The following MAD1L1 variants were observed in gnomAD, a reference collection of about 807,000 sequenced individuals.
MAD1L1 encodes the protein mitotic spindle assembly checkpoint protein MAD1.
Under a neutral mutation model 96.9 loss-of-function variants are expected in MAD1L1, and 95 were observed. The observed-to-expected ratio is 0.98, with a 90% CI of 0.83 to 1.16. MAD1L1 has a LOEUF of 1.16. Among genes scored for constraint, MAD1L1 ranks in the 50% most tolerant of loss-of-function variants. MAD1L1 has a pLI of 0.00. For missense variants in MAD1L1, 1,007 were observed against 954.4 expected, an observed-to-expected ratio of 1.06 and a Z score of -0.73; for synonymous variants, 473 against 396.6, an observed-to-expected ratio of 1.19 and a Z score of -2.29.
chr7:1,972,465 G>C (rs1331041930), intron 15 of MAD1L1, among the ~76,000 whole-genome samples: 1 of 152,166 alleles, frequency 6.6e-6, no homozygotes, highest in East Asian at 1.9e-4. Context: ...GCTGCTTCAA[G>C]TTGTTTGTGG....
At chr7:1,908,636 CG>C (rs1264273679) in intron 17 of MAD1L1, among the ~76,000 whole-genome samples, 3 of 152,142 alleles carry the variant, frequency 2.0e-5, no homozygotes, top group African/African-American at 7.2e-5. Context: ...GTTGGGATGA[CG>C]GGTGTGAGCC....
intron 17 of MAD1L1, among the ~76,000 whole-genome samples, chr7:1,901,560 G>A (rs1167770746): frequency 1.3e-5 from 2 of 152,224 alleles, no homozygotes; most frequent in Non-Finnish European, 2.9e-5. Context: ...AGACAGTGGT[G>A]CAGCCTTCAG....
intron 10 of MAD1L1, among the ~76,000 whole-genome samples, chr7:2,212,575 G>A (rs1026660227): frequency 4.6e-5 from 7 of 152,218 alleles, no homozygotes; most frequent in African/African-American, 1.4e-4. Flanking sequence ...CACTACTCAC[G>A]CTCGCTCACT....
rs908311385 is a variant in MAD1L1, at chr7:2,114,679, T to C, written c.1073+34473A>G. Among the ~76,000 whole-genome samples the C allele has an allele frequency of 6.6e-6, 1 of 152,230 alleles. No individual in the cohort carries two copies. The highest frequency in any genetic ancestry group is 2.4e-5 in the African/African-American group (1 of 41,464). ...GTTTTTGTAAACAACTTTTGTTTTT[T>C]TAACAAAGTTTTGATGGAGCACAGC... On this transcript the variant is annotated intron_variant, in intron 11 of 18. Transcript: ENST00000265854. This position sits in a 1 kb window ranked among gnomAD's most constrained non-coding sequence, Gnocchi z 4.2.
At chr7:2,004,682 C>T (rs58313308) in intron 13 of MAD1L1, among the ~76,000 whole-genome samples, 3 of 152,220 alleles carry the variant, frequency 2.0e-5, no homozygotes, top group Non-Finnish European at 2.9e-5. Context: ...TCCGGCGCCA[C>T]GCGGGCAGGC....
At chr7:1,984,068 T>G (rs1438944614) in intron 14 of MAD1L1, among the ~76,000 whole-genome samples, 2 of 152,260 alleles carry the variant, frequency 1.3e-5, no homozygotes, top group Non-Finnish European at 2.9e-5. Context: ...TATTTAAACT[T>G]GTGAATTTAG....
chr7:1,879,441 G>A (rs1785558689), intron 18 of MAD1L1, among the ~76,000 whole-genome samples: 1 of 134,808 alleles, frequency 7.4e-6, no homozygotes, highest in South Asian at 2.5e-4. Flanking sequence ...AGTGACAAGA[G>A]TGAGACTTCA....
At chr7:1,906,517 C>G (rs1456259054) in intron 17 of MAD1L1, among the ~76,000 whole-genome samples, 1 of 152,272 alleles carries the variant, frequency 6.6e-6, no homozygotes, top group Non-Finnish European at 1.5e-5. Context: ...CTCCATCGCT[C>G]CAGTCTCTGG....
At chr7:1,907,790 T>C (rs1787761940) in intron 17 of MAD1L1, among the ~76,000 whole-genome samples, 1 of 152,266 alleles carries the variant, frequency 6.6e-6, no homozygotes, top group Admixed American at 6.5e-5. Flanking sequence ...ACCACTTGGC[T>C]GTCTACGGAC....
intron 17 of MAD1L1, among the ~76,000 whole-genome samples, chr7:1,934,107 G>A (rs1789639358): frequency 6.6e-6 from 1 of 152,238 alleles, no homozygotes. Flanking sequence ...GACACGCGCT[G>A]CATCAGCCAC....
chr7:1,834,856 GCAC>G (rs1266814214), intron 18 of MAD1L1, among the ~76,000 whole-genome samples: 2 of 151,646 alleles, frequency 1.3e-5, no homozygotes, highest in Admixed American at 6.6e-5. Context: ...ATTACAAGCC[GCAC>G]CCCCCCAAAA....
chr7:2,006,739 C>G (rs1476817139), intron 13 of MAD1L1, among the ~76,000 whole-genome samples: 2 of 152,094 alleles, frequency 1.3e-5, no homozygotes, highest in East Asian at 3.9e-4. Context: ...CATTGGGGTC[C>G]CGAGAGACCC....
At chr7:2,169,719 C>T (rs62443039) in intron 10 of MAD1L1, among the ~76,000 whole-genome samples, 33,315 of 142,630 alleles carry the variant, frequency 0.23, 3,535 homozygotes, top group Non-Finnish European at 0.3. Context: ...GGCTGGACCA[C>T]AGTCTGGGTG....
intron 9 of MAD1L1, among the ~76,000 whole-genome samples, chr7:2,214,541 G>A (rs970291779): frequency 3.9e-5 from 6 of 152,180 alleles, no homozygotes; most frequent in African/African-American, 1.4e-4. Flanking sequence ...CACTGCAGAT[G>A]GAGTCTGCCC....
At chr7:2,216,122 T>A in intron 8 of MAD1L1, 35 bp downstream of exon 8, 1 of 1,608,822 alleles carries the variant, frequency 6.2e-7, no homozygotes, top group Non-Finnish European at 8.5e-7. Context: ...CCAGACTCAC[T>A]CGAGGCGGCT....
At chr7:2,193,990 C>A (rs1358041386) in intron 10 of MAD1L1, among the ~76,000 whole-genome samples, 3 of 115,896 alleles carry the variant, frequency 2.6e-5, no homozygotes, top group Non-Finnish European at 4.9e-5. Context: ...ATCACCTAGG[C>A]TGGAGTGCAG....
At chr7:1,977,025 C>A (rs138591493) in intron 15 of MAD1L1, among the ~76,000 whole-genome samples, 1 of 152,264 alleles carries the variant, frequency 6.6e-6, no homozygotes, top group Non-Finnish European at 1.5e-5. Context: ...AAGTCCCCAC[C>A]GGACTCAGGA....
At chr7:2,177,305 C>T (rs1002397922) in intron 10 of MAD1L1, among the ~76,000 whole-genome samples, 1 of 152,180 alleles carries the variant, frequency 6.6e-6, no homozygotes, top group Non-Finnish European at 1.5e-5. Context: ...TGGCCTAGTG[C>T]TATGCATTCA....
At chr7:1,988,253 G>C (rs368781844) in intron 14 of MAD1L1, among the ~76,000 whole-genome samples, 34 of 152,290 alleles carry the variant, frequency 2.2e-4, no homozygotes, top group African/African-American at 7.9e-4. Context: ...TGGTCACAGA[G>C]CAAGACTCAC....
Sources: gnomAD v4.1 joint callset for allele counts (sites outside exome capture counted in the v4.1 genomes callset) on GRCh38, gnomAD v4.1.1 for gene constraint, Gnocchi (gnomAD v3.1) non-coding constraint, MANE v1.5 for transcripts, NCBI Gene and HGNC (gene_info 2026-07-23, HGNC 2026-07-21) for gene names.